FAM234B: variants seen among roughly 807,000 people sequenced by gnomAD.
FAM234B encodes the protein family with sequence similarity 234 member B, also known as protein FAM234B.
A neutral mutation model predicts 69.3 loss-of-function variants in FAM234B; 33 were observed. The ratio of observed to expected loss-of-function variants is 0.48; its 90% CI spans 0.36 to 0.64. The LOEUF is 0.64. Ranked by LOEUF, FAM234B falls within the 30% of genes least tolerant of loss-of-function variation. FAM234B has a pLI of 0.00. For missense variants in FAM234B, 697 were observed against 769.7 expected (o/e 0.91, Z 1.12); for synonymous variants, 306 against 306.9 (o/e 1.00, Z 0.03).
chr12:13,046,326 A>C (rs888844420), intron 1 of FAM234B, among the ~76,000 whole-genome samples: 1 of 152,042 alleles, frequency 6.6e-6, no homozygotes, highest in African/African-American at 2.4e-5. Flanking sequence ...TTTTTGCATT[A>C]GGTACAAGTT....
chr12:13,076,826 G>A (rs1167771291), intron 11 of FAM234B, among the ~76,000 whole-genome samples: 1 of 152,228 alleles, frequency 6.6e-6, no homozygotes, highest in East Asian at 1.9e-4. Context: ...CTGCCTGCTA[G>A]TCTAGGTTGT....
At chr12:13,060,472 A>T (rs990164025) in intron 3 of FAM234B, among the ~76,000 whole-genome samples, 3 of 152,192 alleles carry the variant, frequency 2.0e-5, no homozygotes, top group Admixed American at 6.5e-5. Flanking sequence ...CATCTGGGAA[A>T]AGACGAGTCA....
At chr12:13,049,730 A>G (rs970179190) in intron 1 of FAM234B, among the ~76,000 whole-genome samples, 1 of 152,208 alleles carries the variant, frequency 6.6e-6, no homozygotes, top group Non-Finnish European at 1.5e-5. Flanking sequence ...TAAATTTCTC[A>G]GACTCCATGG....
intron 9 of FAM234B, among the ~76,000 whole-genome samples, chr12:13,070,746 C>T (rs1865097061): frequency 6.6e-6 from 1 of 152,144 alleles, no homozygotes; most frequent in African/African-American, 2.4e-5. Flanking sequence ...TATGCCACGA[C>T]ACCAAGAGTC....
At position 13,071,235 on chromosome 12, in the gene FAM234B, TTGTAGATGATGG is replaced by T; in HGVS notation, c.1369-4_1376del. The T allele has an allele frequency of 1.9e-6, 3 of 1,614,102 alleles. No homozygotes were observed. Among genetic ancestry groups the T allele is most frequent in the Non-Finnish European group, 2.5e-6 (3 of 1,179,978 alleles). ...CCATGTTTACTGTCTGTCTTCTCTT[TTGTAGATGATGG>T]TTGTGGATGGTGACTCTGGCTCCAT... On this transcript the variant is annotated splice_acceptor_variant and splice_polypyrimidine_tract_variant and coding_sequence_variant and intron_variant, in exon 10 of 13. Transcript: ENST00000197268. LOFTEE classifies it high-confidence loss of function.
rs775993880 is a variant in FAM234B at position 13,071,333 on chromosome 12, T to TC, written c.1461_1462insC (p.Ser488LeufsTer28). On this transcript the variant is annotated frameshift_variant, in exon 10 of 13. Coordinates refer to ENST00000197268, the MANE Select transcript of FAM234B (RefSeq NM_020853.2). LOFTEE classifies it high-confidence loss of function. The stretch of plus-strand genomic sequence containing the variant: ...AAACGCCAGCCACCTCAGCAGTTAC[T>TC]TCAGACCAGAAGTCTGTCTTCCTCT... 3.7e-6 allele frequency: 6 copies of TC among 1,614,070 alleles called. No individual in the cohort carries two copies.
chr12:13,064,865 G>C (rs894735294), intron 5 of FAM234B, among the ~76,000 whole-genome samples: 1 of 152,132 alleles, frequency 6.6e-6, no homozygotes. Flanking sequence ...TAGTGATTGC[G>C]TTCATTGATC....
At position 13,068,387 on chromosome 12, in the gene FAM234B, T is replaced by A; in HGVS notation, c.1226T>A (p.Val409Glu). Reference sequence around the variant, plus strand: ...CTGATTACAACCAGACAAAGCCTTGTGCTGCTTCGGGGGCAAAATCTGACA... The same window carrying A: ...CTGATTACAACCAGACAAAGCCTTGAGCTGCTTCGGGGGCAAAATCTGACA... ...NLLITTRQSL[V>E]LLRGQNLTPY... is the part of the protein sequence containing the mutation. Residue 409 changes from valine (V) to glutamate (E), a missense_variant, in exon 8 of 13, where the codon GTG becomes GAG. Transcript: ENST00000197268. The A allele has an allele frequency of 6.2e-7, 1 of 1,614,204 alleles. No individual in the cohort carries two copies. Among genetic ancestry groups the A allele is most frequent in the Non-Finnish European group, 8.5e-7 (1 of 1,180,028 alleles).
chr12:13,053,628 G>C (rs1435719434), intron 1 of FAM234B, among the ~76,000 whole-genome samples: 1 of 152,170 alleles, frequency 6.6e-6, no homozygotes, highest in African/African-American at 2.4e-5. Context: ...GGGCAATAAA[G>C]ATCACAAGGC....
At chr12:13,045,823 C>T (rs1243110856) in intron 1 of FAM234B, among the ~76,000 whole-genome samples, 2 of 142,324 alleles carry the variant, frequency 1.4e-5, no homozygotes, top group East Asian at 4.8e-4. Flanking sequence ...AGACATTTAG[C>T]TTTATTTCTT....
chr12:13,075,451 T>TTTTTATG (rs1865149000), intron 10 of FAM234B, among the ~76,000 whole-genome samples: 1 of 122,508 alleles, frequency 8.2e-6, no homozygotes, highest in Non-Finnish European at 1.8e-5. Context: ...TTTTTTTTAT[T>TTTTTATG]TTTTGAGACA....
At chr12:13,059,181 C>T (rs943143324) in intron 3 of FAM234B, among the ~76,000 whole-genome samples, 3 of 152,218 alleles carry the variant, frequency 2.0e-5, no homozygotes, top group Admixed American at 1.3e-4. Flanking sequence ...CCCTGGCTCC[C>T]TCCCCGCCGG....
chr12:13,071,491 C>A, intron 10 of FAM234B, 95 bp downstream of exon 10: 2 of 1,187,254 alleles, frequency 1.7e-6, no homozygotes, highest in Admixed American at 2.0e-5. Context: ...TGACCCATCA[C>A]TTTCCAAGGG....
chr12:13,063,088 GT>G (rs1361547075), intron 5 of FAM234B, 113 bp downstream of exon 5: 3 of 1,266,816 alleles, frequency 2.4e-6, no homozygotes, highest in African/African-American at 1.5e-5. Flanking sequence ...TTTTACAAGG[GT>G]TTAGGTTTAA....
At chr12:13,062,798 A>G (rs1326053779) in intron 4 of FAM234B, 47 bp from the exon 5 acceptor site, 1 of 1,598,320 alleles carries the variant, frequency 6.3e-7, no homozygotes, top group African/African-American at 1.3e-5. Flanking sequence ...TGCCTTTTCC[A>G]AAGGCAAGAA....
intron 9 of FAM234B, among the ~76,000 whole-genome samples, chr12:13,070,594 C>G (rs1463883961): frequency 6.6e-6 from 1 of 152,132 alleles, no homozygotes; most frequent in Non-Finnish European, 1.5e-5. Context: ...GGATGAAGAG[C>G]AGACATATGC....
intron 8 of FAM234B, 29 bp from the exon 9 acceptor site, chr12:13,068,601 T>C: frequency 1.3e-6 from 2 of 1,599,276 alleles, no homozygotes; most frequent in Non-Finnish European, 1.7e-6. Context: ...TTGTTCACTA[T>C]TGATTGCTTA....
intron 3 of FAM234B, among the ~76,000 whole-genome samples, chr12:13,060,858 G>A (rs1160077326): frequency 6.6e-6 from 1 of 152,132 alleles, no homozygotes; most frequent in Non-Finnish European, 1.5e-5. Flanking sequence ...TATTTACTAA[G>A]GATCATGGCT....
At chr12:13,073,948 A>C (rs1345164738) in intron 10 of FAM234B, among the ~76,000 whole-genome samples, 4 of 152,190 alleles carry the variant, frequency 2.6e-5, no homozygotes, top group Non-Finnish European at 5.9e-5. Context: ...TCTCTGGGGC[A>C]TTGTCATCAC....
Sources: gnomAD v4.1 joint callset for allele counts (sites outside exome capture counted in the v4.1 genomes callset) on GRCh38, gnomAD v4.1.1 for gene constraint, MANE v1.5 for transcripts, NCBI Gene and HGNC (gene_info 2026-07-23, HGNC 2026-07-21) for gene names.